Variants in TFEC observed in about 807,000 individuals in gnomAD.
The protein encoded by TFEC is class E basic helix-loop-helix protein 34.
Under a neutral mutation model 41.6 loss-of-function variants are expected in TFEC, and 31 were observed. The observed-to-expected ratio is 0.74, with a 90% CI of 0.56 to 1.01. TFEC has a LOEUF of 1.01. Ranked by LOEUF, TFEC falls within the 50% of genes least tolerant of loss-of-function variation. The pLI, the probability that TFEC is intolerant of heterozygous loss-of-function variation, is 0.00. For synonymous variants in TFEC, 143 were observed against 140.6 expected (o/e 1.02, Z -0.12); for missense variants, 402 against 404.1 (o/e 0.99, Z 0.04).
chr7:116,021,451 A>G (rs1057039199), intron 1 of TFEC, among the ~76,000 whole-genome samples: 3 of 152,158 alleles, frequency 2.0e-5, no homozygotes, highest in South Asian at 2.1e-4. Context: ...TGCACAGGGG[A>G]AAAATGTGAT....
intron 6 of TFEC, among the ~76,000 whole-genome samples, chr7:115,948,985 A>G (rs1289512199): frequency 6.6e-6 from 1 of 151,826 alleles, no homozygotes; most frequent in Non-Finnish European, 1.5e-5. Flanking sequence ...TAAGCTGATA[A>G]GCAACTTCAG....
chr7:116,012,202 A>G (rs1795026597), intron 1 of TFEC, among the ~76,000 whole-genome samples: 1 of 152,200 alleles, frequency 6.6e-6, no homozygotes, highest in Non-Finnish European at 1.5e-5. Context: ...AATTTCTTTA[A>G]ATTTCTATTC....
chr7:115,978,660 C>T (rs1436366475), intron 2 of TFEC, among the ~76,000 whole-genome samples: 1 of 152,196 alleles, frequency 6.6e-6, no homozygotes. Context: ...TACTGACATC[C>T]CTTTTGTTGT....
chr7:115,996,444 T>C (rs1794370458), intron 1 of TFEC, among the ~76,000 whole-genome samples: 1 of 152,060 alleles, frequency 6.6e-6, no homozygotes, highest in African/African-American at 2.4e-5. Context: ...GCAGTACTTG[T>C]GATGGGCCTT....
In TFEC at chr7:115,940,534, T is replaced by C. The variant is rs766946966; in HGVS notation, c.*17A>G. On this transcript the variant is annotated 3_prime_UTR_variant, in exon 8 of 8. Transcript: ENST00000265440. ...ATAGAATTGCTTTCCAGTTGATGAA[T>C]TGGGTCTGTTTATTTCTTATAATTC... The C allele has an allele frequency of 6.9e-6, 11 of 1,585,714 alleles. No homozygotes were observed. The highest frequency in any genetic ancestry group is 4.6e-5 in the South Asian group (4 of 87,136).
intron 5 of TFEC, among the ~76,000 whole-genome samples, chr7:115,952,531 T>C (rs1412550111): frequency 6.6e-6 from 1 of 152,124 alleles, no homozygotes; most frequent in African/African-American, 2.4e-5. Context: ...GGACTGTTTT[T>C]GTCCTGTCAC....
intron 1 of TFEC, among the ~76,000 whole-genome samples, chr7:116,112,877 A>AATG (rs1191830200): frequency 6.6e-6 from 1 of 152,060 alleles, no homozygotes; most frequent in Non-Finnish European, 1.5e-5. Flanking sequence ...AACCAAAGTT[A>AATG]ATGATAAGAA....
At position 116,125,611 on chromosome 7, in the gene TFEC, C is replaced by T. The variant is rs188013372; in HGVS notation, c.-68-13573G>A. 5.3e-5 allele frequency among the ~76,000 whole-genome samples: 8 copies of T among 151,920 alleles called. No individual in the cohort carries two copies. The East Asian group carries it at 7.7e-4, about 15-fold the overall frequency. Reference sequence around the variant, plus strand: ...TGTTGGCGGAATGTATGGTAGTGACCGAGATAGAGTGGAAGGGACAATTCC... The same window carrying T: ...TGTTGGCGGAATGTATGGTAGTGACTGAGATAGAGTGGAAGGGACAATTCC... On this transcript the variant is annotated intron_variant, in intron 1 of 8. Transcript: ENST00000484212.
At chr7:116,151,000 A>C (rs770579241) in intron 1 of TFEC, among the ~76,000 whole-genome samples, 18 of 152,182 alleles carry the variant, frequency 1.2e-4, no homozygotes, top group Non-Finnish European at 2.1e-4. Context: ...TCTAAACATA[A>C]TTTAAACATA....
intron 1 of TFEC, among the ~76,000 whole-genome samples, chr7:115,991,571 C>A (rs1048319905): frequency 2.8e-4 from 42 of 152,106 alleles, no homozygotes; most frequent in Middle Eastern, 3.2e-3. Context: ...GGAGGGGTTG[C>A]AATCCTAGTC....
intron 3 of TFEC, among the ~76,000 whole-genome samples, chr7:116,049,463 C>T (rs1349418147): frequency 6.6e-6 from 1 of 152,146 alleles, no homozygotes; most frequent in East Asian, 1.9e-4. Context: ...AATACAAGAG[C>T]ACCCAGATTC....
intron 3 of TFEC, among the ~76,000 whole-genome samples, chr7:115,973,097 GA>G (rs57267839): frequency 0.1 from 15,414 of 151,460 alleles, 1,136 homozygotes; most frequent in East Asian, 0.38. Context: ...AATGAAAACT[GA>G]AAAAAAATCC....
intron 1 of TFEC, among the ~76,000 whole-genome samples, chr7:116,007,550 T>C (rs1794845746): frequency 6.6e-6 from 1 of 152,194 alleles, no homozygotes; most frequent in African/African-American, 2.4e-5. Flanking sequence ...GGTTTACAAA[T>C]TATGCTCCTA....
intron 3 of TFEC, among the ~76,000 whole-genome samples, chr7:116,062,560 CATATATATATATATATATATATATATAT>C (rs57742551): frequency 9.8e-6 from 1 of 101,684 alleles, no homozygotes; most frequent in Non-Finnish European, 2.0e-5. Context: ...GAGTAGTACT[CATATATATATATATATATATATATATAT>C]ATATATATAT....
rs1793214296 is a variant in TFEC at position 115,936,049 on chromosome 7, A to G, written c.*4502T>C. 1 of 151,596 alleles carries G rather than the reference A, an allele frequency of 6.6e-6. No individual in the cohort carries two copies. The highest frequency in any genetic ancestry group is 1.5e-5 in the Non-Finnish European group (1 of 67,616). 9.4% of individuals were successfully genotyped at this position (151,596 alleles called of 1,614,324 possible). A position where few individuals can be genotyped will look rare whatever the true frequency, so the allele number is the denominator to read the frequency against. On this transcript the variant is annotated 3_prime_UTR_variant, in exon 8 of 8. Coordinates refer to ENST00000265440, the MANE Select transcript of TFEC (RefSeq NM_012252.4). ...ACATTCAAATCTCTATGGACCTCAG[A>G]GGGAAAATGTAGCACTGAAAATTTT...
chr7:116,080,225 T>G (rs1797055968), intron 3 of TFEC, among the ~76,000 whole-genome samples: 2 of 151,682 alleles, frequency 1.3e-5, no homozygotes, highest in Non-Finnish European at 3.0e-5. Context: ...ACCACAAAAA[T>G]TCTAGACATT....
At chr7:116,032,503 A>T (rs1398657072), upstream of TFEC, among the ~76,000 whole-genome samples, 1 of 152,202 alleles carries the variant, frequency 6.6e-6, no homozygotes, top group Non-Finnish European at 1.5e-5. Context: ...ATACAGTCAT[A>T]AAAAAGAATG....
chr7:115,989,432 A>C (rs1197816972), intron 1 of TFEC, among the ~76,000 whole-genome samples: 1 of 152,196 alleles, frequency 6.6e-6, no homozygotes, highest in African/African-American at 2.4e-5. Context: ...AGTGTGAGCC[A>C]AAGAAGGGCG....
rs1448758249 is a variant in TFEC, at chr7:115,935,625, T to C, written c.*4926A>G. ...TTTCAGCAAAATCAGTCTCTTCTTT[T>C]ATTTGTATATTTTGTCTGCTACATA... On this transcript the variant is annotated 3_prime_UTR_variant, in exon 8 of 8. Coordinates refer to ENST00000265440, the MANE Select transcript of TFEC (RefSeq NM_012252.4). 2.0e-5 allele frequency: 3 copies of C among 151,696 alleles called. No homozygotes were observed. Among genetic ancestry groups the C allele is most frequent in the Non-Finnish European group, 4.4e-5 (3 of 67,650 alleles). The allele number at this position is 151,696 out of a possible 1,614,324, so 9.4% of individuals were successfully genotyped here. A position where few individuals can be genotyped will look rare whatever the true frequency, so the allele number is the denominator to read the frequency against.
Sources: gnomAD v4.1 joint callset for allele counts (sites outside exome capture counted in the v4.1 genomes callset) on GRCh38, gnomAD v4.1.1 for gene constraint, MANE v1.5 for transcripts, NCBI Gene and HGNC (gene_info 2026-07-23, HGNC 2026-07-21) for gene names.